SCAPER: variants seen among roughly 807,000 people sequenced by gnomAD.
The protein encoded by SCAPER is S phase cyclin A-associated protein in the endoplasmic reticulum.
SCAPER carries 98 observed loss-of-function variants against 182.2 expected under a neutral mutation model. The observed-to-expected ratio is 0.54, with a 90% CI of 0.46 to 0.64. The LOEUF is 0.64. Ranked by LOEUF, SCAPER falls within the 30% of genes least tolerant of loss-of-function variation. The pLI, the probability that SCAPER is intolerant of heterozygous loss-of-function variation, is 0.00. For synonymous variants in SCAPER, 605 were observed against 564.6 expected, an observed-to-expected ratio of 1.07 and a Z score of -1.01; for missense variants, 1,432 against 1,690.0, an observed-to-expected ratio of 0.85 and a Z score of 2.68.
chr15:76,658,754 G>GA (rs1279832970), intron 21 of SCAPER, among the ~76,000 whole-genome samples: 2 of 152,180 alleles, frequency 1.3e-5, no homozygotes, highest in Non-Finnish European at 1.5e-5. Context: ...AGAGAGTGCA[G>GA]AAAAAATGCC....
At chr15:76,765,922 T>C (rs1019985338) in intron 11 of SCAPER, among the ~76,000 whole-genome samples, 1 of 152,130 alleles carries the variant, frequency 6.6e-6, no homozygotes, top group Non-Finnish European at 1.5e-5. Context: ...AATGCTAACA[T>C]ATAAAAAGCA....
chr15:76,483,651 T>C (rs2051336161), intron 24 of SCAPER, among the ~76,000 whole-genome samples: 1 of 152,082 alleles, frequency 6.6e-6, no homozygotes, highest in Admixed American at 6.6e-5. Context: ...TACAACTTAA[T>C]ACGAAGACAA....
At chr15:76,353,813 A>G (rs1249360081) in intron 30 of SCAPER, 136 bp downstream of exon 30, 1 of 688,288 alleles carries the variant, frequency 1.5e-6, no homozygotes, top group African/African-American at 1.9e-5. Context: ...TTAGAAATCA[A>G]TTTTGGAGCA....
intron 20 of SCAPER, among the ~76,000 whole-genome samples, chr15:76,699,633 G>A (rs377026549): frequency 1.3e-5 from 2 of 152,174 alleles, no homozygotes; most frequent in African/African-American, 4.8e-5. Flanking sequence ...GCATGCCCTG[G>A]GGGACTGAGA....
chr15:76,659,328 T>C (rs191441466), intron 21 of SCAPER, among the ~76,000 whole-genome samples: 18 of 152,232 alleles, frequency 1.2e-4, no homozygotes, highest in Admixed American at 3.3e-4. Context: ...TGGAGTATAG[T>C]GGTACAATCA....
At chr15:76,765,252 T>C (rs1048832633) in intron 13 of SCAPER, 85 bp downstream of exon 13, 1 of 1,150,318 alleles carries the variant, frequency 8.7e-7, no homozygotes, top group East Asian at 2.4e-5. Context: ...TGTCCAAAAA[T>C]GCCACGTAGC....
chr15:76,644,147 G>A (rs951302847), intron 21 of SCAPER, among the ~76,000 whole-genome samples: 50 of 152,178 alleles, frequency 3.3e-4, no homozygotes, highest in Middle Eastern at 3.4e-3. Context: ...AGGTATATAC[G>A]ATCAAAACTT....
intron 30 of SCAPER, among the ~76,000 whole-genome samples, chr15:76,353,698 C>T (rs1160111036): frequency 6.6e-6 from 1 of 152,102 alleles, no homozygotes; most frequent in Admixed American, 6.5e-5. Flanking sequence ...TACGGGTTAC[C>T]ATTTCATTAA....
chr15:76,562,083 G>A (rs1432142086), intron 23 of SCAPER, among the ~76,000 whole-genome samples: 1 of 143,036 alleles, frequency 7.0e-6, no homozygotes, highest in Non-Finnish European at 1.5e-5. Flanking sequence ...AGGAGGCAGA[G>A]GTTGCAGTGA....
intron 26 of SCAPER, among the ~76,000 whole-genome samples, chr15:76,405,889 A>T (rs976352122): frequency 6.6e-6 from 1 of 152,214 alleles, no homozygotes; most frequent in Non-Finnish European, 1.5e-5. Flanking sequence ...AAAAGGAAGG[A>T]TAAACTGATG....
intron 29 of SCAPER, among the ~76,000 whole-genome samples, chr15:76,374,273 C>A (rs750869425): frequency 3.2e-4 from 48 of 151,634 alleles, no homozygotes; most frequent in Non-Finnish European, 5.3e-4. Context: ...CCTATAATCC[C>A]AGCTACTCAG....
At chr15:76,756,349 A>G (rs2062433220) in intron 14 of SCAPER, among the ~76,000 whole-genome samples, 1 of 151,934 alleles carries the variant, frequency 6.6e-6, no homozygotes, top group Non-Finnish European at 1.5e-5. Context: ...GGCCGAGGTT[A>G]AAGGATTGCT....
chr15:76,508,157 T>C (rs1361424065), intron 23 of SCAPER, among the ~76,000 whole-genome samples: 1 of 152,202 alleles, frequency 6.6e-6, no homozygotes, highest in Non-Finnish European at 1.5e-5. Flanking sequence ...TCTTTTCATA[T>C]CTATACCACA....
intron 2 of SCAPER, among the ~76,000 whole-genome samples, chr15:76,879,378 A>C (rs932405397): frequency 6.6e-6 from 1 of 152,146 alleles, no homozygotes; most frequent in Non-Finnish European, 1.5e-5. Flanking sequence ...ACCTTGCCTA[A>C]GTCAATCTGC....
chr15:76,607,422 T>C (rs903624004), intron 22 of SCAPER, among the ~76,000 whole-genome samples: 1 of 152,212 alleles, frequency 6.6e-6, no homozygotes, highest in Non-Finnish European at 1.5e-5. Flanking sequence ...GTGGGTAACC[T>C]GACCTTTGTC....
chr15:76,765,711 T>C (rs1568059199), intron 11 of SCAPER, 73 bp from the exon 12 acceptor site: 2 of 1,206,820 alleles, frequency 1.7e-6, no homozygotes, highest in African/African-American at 3.0e-5. Flanking sequence ...GAACTATACA[T>C]GAAAATGTCC....
At chr15:76,640,681 T>C (rs1263834052) in intron 21 of SCAPER, among the ~76,000 whole-genome samples, 3 of 152,212 alleles carry the variant, frequency 2.0e-5, no homozygotes, top group Admixed American at 2.0e-4. Context: ...AAGCTATGAC[T>C]GTTATGGTTC....
rs562409346 is a variant in SCAPER at position 76,787,263 on chromosome 15, T to C, written c.772+8017A>G. 3.9e-5 allele frequency among the ~76,000 whole-genome samples: 6 copies of C among 152,296 alleles called. 1 individual carries two copies. Among genetic ancestry groups the C allele is most frequent in the African/African-American group, 1.4e-4 (6 of 41,578 alleles). On this transcript the variant is annotated intron_variant, in intron 8 of 31. Transcript: ENST00000563290. ...CAGAGTTAATCAAGTCAGTATAGAA[T>C]TGATGGAACAAAAAACATATGAAAC... is the stretch of plus-strand genomic sequence containing the variant.
chr15:76,707,083 C>T (rs1347045817), intron 17 of SCAPER, among the ~76,000 whole-genome samples: 3 of 151,682 alleles, frequency 2.0e-5, no homozygotes, highest in Non-Finnish European at 4.4e-5. Flanking sequence ...TTAGTTTTAT[C>T]CTGAAGTAGA....
Sources: allele counts gnomAD v4.1 joint callset (sites outside exome capture counted in the v4.1 genomes callset), GRCh38; gene constraint gnomAD v4.1.1; transcripts MANE v1.5; gene names NCBI Gene and HGNC (gene_info 2026-07-23, HGNC 2026-07-21).